FAM193B: variants seen among roughly 807,000 people sequenced by gnomAD.
FAM193B encodes protein FAM193B.
FAM193B carries 27 observed loss-of-function variants against 70.7 expected under a neutral mutation model. The observed-to-expected ratio is 0.38, with a 90% CI of 0.28 to 0.53. The LOEUF (loss-of-function observed/expected upper bound fraction) is 0.53, where lower values mean the gene tolerates loss of function less well. FAM193B is among the 20% of genes least tolerant of loss of function. The probability of loss-of-function intolerance (pLI) is 0.81; values close to 1 mark genes in which losing one functional copy is unlikely to be tolerated. For missense variants in FAM193B, 1,022 were observed against 1,072.5 expected (o/e 0.95, Z 0.66); for synonymous variants, 448 against 436.0 (o/e 1.03, Z -0.34).
intron 5 of FAM193B, among the ~76,000 whole-genome samples, chr5:177,530,721 C>T (rs949445671): frequency 6.6e-6 from 1 of 152,198 alleles, no homozygotes; most frequent in Non-Finnish European, 1.5e-5. Context: ...CAGAGGCCCT[C>T]CCTCAACAAC....
intron 1 of FAM193B, among the ~76,000 whole-genome samples, chr5:177,552,388 G>A (rs1019451386): frequency 1.3e-5 from 2 of 152,272 alleles, no homozygotes; most frequent in Non-Finnish European, 2.9e-5. Context: ...AGGTCAAGTA[G>A]TGGAGTAGGT....
chr5:177,523,580 A>G (rs367765753), intron 7 of FAM193B, among the ~76,000 whole-genome samples: 6 of 152,244 alleles, frequency 3.9e-5, no homozygotes, highest in African/African-American at 1.4e-4. Context: ...CCCCAACTCT[A>G]TGCCATTTAT....
intron 7 of FAM193B, chr5:177,523,003 C>T: frequency 6.0e-6 from 1 of 167,120 alleles, no homozygotes; most frequent in South Asian, 1.1e-4. Flanking sequence ...AAATTACAGG[C>T]ATGAGCCACC....
chr5:177,553,443 A>G (rs985707977), intron 1 of FAM193B: 2 of 1,078,216 alleles, frequency 1.9e-6, no homozygotes, highest in Non-Finnish European at 2.3e-6. Flanking sequence ...CAACCCTCCC[A>G]GAGCAACCGT....
chr5:177,537,969 A>T lies in FAM193B; in HGVS notation c.592T>A (p.Phe198Ile), dbSNP rs376965484. 199 of 1,564,574 alleles carry T rather than the reference A, an allele frequency of 1.3e-4. No individual in the cohort carries two copies. The highest frequency in any genetic ancestry group is 1.6e-4 in the Non-Finnish European group (179 of 1,154,372). ...GNSGDWDPSS[F>I]LSAHKLSGLW... ...CCCGAGAGCTTATGTGCCGACAGGA[A>T]CGAGCTAGGATCCCAGTCTCCCGAG... The change falls in exon 3 of 9, where the codon TTC (phenylalanine) becomes ATC (isoleucine). Residue 198 changes from phenylalanine to isoleucine, a missense_variant. Transcript: ENST00000514747.
chr5:177,531,782 CT>C, intron 5 of FAM193B: 1 of 843,658 alleles, frequency 1.2e-6, no homozygotes, highest in Non-Finnish European at 1.6e-6. Context: ...GGCTTCGTCA[CT>C]GGGAAGCTGT....
Position 177,524,628 on chromosome 5 carries a change from G to C in FAM193B, c.1853C>G (p.Pro618Arg). 5.0e-6 allele frequency: 8 copies of C among 1,612,814 alleles called. No homozygotes were observed. Among genetic ancestry groups the C allele is most frequent in the Non-Finnish European group, 6.8e-6 (8 of 1,179,560 alleles). ...CTCAGGCAGCTCCTGCTTGCAACTGGGAACTTCCTTTGAGCTTGGCTCCTC... is the reference window on the plus strand; with the variant it reads ...CTCAGGCAGCTCCTGCTTGCAACTGCGAACTTCCTTTGAGCTTGGCTCCTC... ...SSEEPSSKEV[P>R]SCKQELPEPV... Residue 618 changes from proline to arginine, a missense_variant, in exon 6 of 9, where the codon CCC becomes CGC. Physicochemically the swap from Pro to Arg is moderately radical, Grantham distance 103 (BLOSUM62 -2). Transcript: ENST00000514747.
chr5:177,543,098 AG>A (rs1748730865), intron 1 of FAM193B, among the ~76,000 whole-genome samples: 1 of 152,256 alleles, frequency 6.6e-6, no homozygotes, highest in African/African-American at 2.4e-5. Context: ...TGCATTCTTT[AG>A]GGATTATAAT....
intron 7 of FAM193B, among the ~76,000 whole-genome samples, chr5:177,522,371 C>T (rs1446955677): frequency 1.6e-4 from 24 of 152,186 alleles, no homozygotes; most frequent in Non-Finnish European, 8.8e-5. Flanking sequence ...TAAGTACAGT[C>T]GTCCCTCTGA....
At chr5:177,525,279 C>T (rs941755214) in intron 5 of FAM193B, 74 bp from the exon 6 acceptor site, 2 of 1,328,390 alleles carry the variant, frequency 1.5e-6, no homozygotes, top group Non-Finnish European at 2.0e-6. Context: ...ACCCATCAGC[C>T]TGGGGCCCAG....
intron 4 of FAM193B, among the ~76,000 whole-genome samples, chr5:177,534,662 G>A (rs910894046): frequency 6.6e-6 from 1 of 152,102 alleles, no homozygotes; most frequent in Admixed American, 6.6e-5. Context: ...CTAGGCTAGA[G>A]TTCAGTGGCA....
At chr5:177,551,664 A>G (rs921150069) in intron 1 of FAM193B, among the ~76,000 whole-genome samples, 1 of 152,264 alleles carries the variant, frequency 6.6e-6, no homozygotes, top group African/African-American at 2.4e-5. Flanking sequence ...AAATGAAAAT[A>G]AAAACAGAAA....
intron 1 of FAM193B, among the ~76,000 whole-genome samples, chr5:177,550,359 C>A (rs895759823): frequency 6.6e-6 from 1 of 152,152 alleles, no homozygotes; most frequent in African/African-American, 2.4e-5. Context: ...AAGATAGGAA[C>A]TATCTTATCC....
intron 8 of FAM193B, among the ~76,000 whole-genome samples, chr5:177,520,483 C>T (rs1212432274): frequency 1.3e-5 from 2 of 152,186 alleles, no homozygotes; most frequent in Admixed American, 1.3e-4. Flanking sequence ...TGCAGCTGTG[C>T]TCCTGCCTCT....
chr5:177,523,187 A>G (rs1007298071), intron 7 of FAM193B: 6 of 355,696 alleles, frequency 1.7e-5, no homozygotes, highest in Non-Finnish European at 3.5e-5. Flanking sequence ...TTTAGTAGAG[A>G]CGGGGTTTCA....
In FAM193B at chr5:177,552,009, A is replaced by C. The variant is rs954016217; in HGVS notation, c.210+2240T>G. ...CCCTTCTTTGGGGCTATAGTTTAAAAAAAAATGCCTTGTTGAAAATCCCCC... is the reference window on the plus strand; with the variant it reads ...CCCTTCTTTGGGGCTATAGTTTAAACAAAAATGCCTTGTTGAAAATCCCCC... On this transcript the variant is annotated intron_variant, in intron 1 of 8. Coordinates refer to ENST00000514747, the MANE Select transcript of FAM193B (RefSeq NM_001190946.3). 3.0e-6 allele frequency: 3 copies of C among 985,092 alleles called. No individual in the cohort carries two copies. The African/African-American group carries it at 5.2e-5, about 17-fold the overall frequency. 61.0% of individuals were successfully genotyped at this position (985,092 alleles called of 1,614,324 possible).
chr5:177,553,284 C>CCGCCA, intron 1 of FAM193B: 2 of 987,624 alleles, frequency 2.0e-6, no homozygotes, highest in Non-Finnish European at 2.4e-6. Flanking sequence ...AACGCATCTT[C>CCGCCA]CGCCACGCCT....
At position 177,523,831 on chromosome 5, in the gene FAM193B, G is replaced by A. The variant is rs1299479931; in HGVS notation, c.2372+126C>T. 8.8e-6 allele frequency: 9 copies of A among 1,026,218 alleles called. No individual in the cohort carries two copies. The East Asian group carries it at 2.3e-4, about 27-fold the overall frequency. 63.6% of individuals were successfully genotyped at this position (1,026,218 alleles called of 1,614,324 possible). ...GTGGGAGAGGGCCTGGGGGGGCGGT[G>A]AGCCTCCCCAAGGGGTCAGGGCCAA... On this transcript the variant is annotated intron_variant, in intron 7 of 8. Transcript: ENST00000514747.
At chr5:177,530,853 C>T (rs1301899439) in intron 5 of FAM193B, among the ~76,000 whole-genome samples, 3 of 152,132 alleles carry the variant, frequency 2.0e-5, no homozygotes, top group Non-Finnish European at 4.4e-5. Flanking sequence ...TCTTGTAAAG[C>T]CATTTCCAGG....
Sources: gnomAD v4.1 joint callset for allele counts (sites outside exome capture counted in the v4.1 genomes callset) on GRCh38, gnomAD v4.1.1 for gene constraint, MANE v1.5 for transcripts, NCBI Gene and HGNC (gene_info 2026-07-23, HGNC 2026-07-21) for gene names.